FAM161A: variants seen among roughly 807,000 people sequenced by gnomAD.
FAM161A encodes FAM161 centrosomal protein A, also known as protein FAM161A.
Under a neutral mutation model 70.9 loss-of-function variants are expected in FAM161A, and 57 were observed. The observed-to-expected ratio is 0.80, with a 90% CI of 0.65 to 1.00. The LOEUF is 1.00. FAM161A is among the 50% of genes least tolerant of loss of function. The pLI, the probability that FAM161A is intolerant of heterozygous loss-of-function variation, is 0.00. For missense variants in FAM161A, 880 were observed against 836.0 expected (o/e 1.05, Z -0.65); for synonymous variants, 299 against 295.7 (o/e 1.01, Z -0.12).
At chr2:61,805,034 G>A in the FAM161A span, among the ~76,000 whole-genome samples, 1 of 151,984 alleles carries the variant, frequency 6.6e-6, no homozygotes, top group South Asian at 2.1e-4. Flanking sequence ...GGGGGGCCTG[G>A]AGGAAGTCAC....
the FAM161A span, among the ~76,000 whole-genome samples, chr2:61,818,345 C>T: frequency 7.9e-5 from 12 of 152,166 alleles, no homozygotes; most frequent in African/African-American, 7.2e-5. Context: ...TGTGAGCCAC[C>T]GTCCCTGGCT....
chr2:61,819,906 T>C (rs1162502635), downstream of FAM161A, among the ~76,000 whole-genome samples: 1 of 152,204 alleles, frequency 6.6e-6, no homozygotes, highest in East Asian at 1.9e-4. Context: ...CATTTATGAT[T>C]TTTTTCTATT....
rs1344141787 is a variant in FAM161A, at chr2:61,839,836, C to T, written c.1168G>A (p.Glu390Lys). 2 of 1,614,222 alleles carry T rather than the reference C, an allele frequency of 1.2e-6. No homozygotes were observed. The highest frequency in any genetic ancestry group is 1.7e-5 in the Admixed American group (1 of 60,008). The stretch of plus-strand genomic sequence containing the variant: ...AGAGGAGATGAGTTCTGTAAATGCT[C>T]CTGGGCTCTCAGCTGTGTCCTAAGG... ...RNLRTQLRAQEHLQNSSPLPC... is the reference protein window; with the variant it reads ...RNLRTQLRAQKHLQNSSPLPC... Residue 390 changes from glutamate to lysine, a missense_variant, in exon 3 of 7, where the codon GAG (glutamate) becomes AAG (lysine). Coordinates refer to ENST00000404929, the MANE Select transcript of FAM161A (RefSeq NM_001201543.2).
Position 61,840,576 on chromosome 2 carries a change from A to T in FAM161A, c.428T>A (p.Val143Glu). 6.3e-7 allele frequency: 1 copy of T among 1,597,354 alleles called. No individual in the cohort carries two copies. Among genetic ancestry groups the T allele is most frequent in the Non-Finnish European group, 8.6e-7 (1 of 1,164,816 alleles). Residue 143 changes from valine (V) to glutamate (E), a missense_variant, in exon 3 of 7, where the codon GTA becomes GAA. Transcript: ENST00000404929. ...AGGGTGATAGGAGTTCTTTTCTGAT[A>T]CAGATCTAAATGAGAAGAATAACTA... ...EDSLSDSSRSVSEKNSYHPVS... is the reference protein window; with the variant it reads ...EDSLSDSSRSESEKNSYHPVS...
the FAM161A span, among the ~76,000 whole-genome samples, chr2:61,813,718 CA>C: frequency 0.012 from 1,010 of 87,004 alleles, 5 homozygotes; most frequent in Non-Finnish European, 0.015. Flanking sequence ...GACCCTGTCT[CA>C]AAAAAAAAAA....
Position 61,839,879 on chromosome 2 carries a change from T to C in FAM161A, c.1125A>G (p.Glu375=). ...YGSTTNDKLK[E]EELYRNLRTQ... is the part of the protein sequence containing the mutation. ...TCCTAAGGTTTCGATAGAGCTCTTC[T>C]TCTTTTAACTTGTCATTGGTAGTTG... The change falls in exon 3 of 7, where the codon GAA becomes GAG. Residue 375 remains glutamate, a synonymous_variant. Coordinates refer to ENST00000404929, the MANE Select transcript of FAM161A (RefSeq NM_001201543.2). 6.2e-7 allele frequency: 1 copy of C among 1,614,228 alleles called. No homozygotes were observed. The highest frequency in any genetic ancestry group is 8.5e-7 in the Non-Finnish European group (1 of 1,180,036).
Position 61,836,017 on chromosome 2 carries a change from A to T in FAM161A, c.1844T>A (p.Val615Asp). 3 of 1,605,132 alleles carry T rather than the reference A, an allele frequency of 1.9e-6. No individual in the cohort carries two copies. In the South Asian group the frequency reaches 3.3e-5, roughly 18 times the overall value. Residue 615 changes from valine to aspartate, a missense_variant, in exon 5 of 7, where the codon GTT (valine) becomes GAT (aspartate). Coordinates refer to ENST00000404929, the MANE Select transcript of FAM161A (RefSeq NM_001201543.2). ...LKKRPLLFER[V>D]AQKNARMAAE... Reference sequence around the variant, plus strand: ...AATTCCAATAAACACAACCTGAGCAACTCTTTCAAATAGCAGTGGCCTCTT... The same window carrying T: ...AATTCCAATAAACACAACCTGAGCATCTCTTTCAAATAGCAGTGGCCTCTT...
intron 1 of FAM161A, among the ~76,000 whole-genome samples, chr2:61,853,368 A>T (rs1319562451): frequency 6.6e-6 from 1 of 152,102 alleles, no homozygotes; most frequent in Non-Finnish European, 1.5e-5. Flanking sequence ...AACCTCAGTG[A>T]TTTGCTTATC....
intron 5 of FAM161A, among the ~76,000 whole-genome samples, chr2:61,830,264 C>T (rs1388773526): frequency 6.6e-6 from 1 of 152,100 alleles, no homozygotes; most frequent in African/African-American, 2.4e-5. Flanking sequence ...ATAAAGGTTC[C>T]ACCTGGCATT....
downstream of FAM161A, chr2:61,820,251 T>C (rs187973225): frequency 2.1e-4 from 136 of 646,704 alleles, no homozygotes; most frequent in African/African-American, 1.9e-3. Flanking sequence ...AGCTCTTCAC[T>C]GGAGGATCGA....
At chr2:61,822,869 C>T (rs1001759078), downstream of FAM161A, among the ~76,000 whole-genome samples, 1 of 151,672 alleles carries the variant, frequency 6.6e-6, no homozygotes, top group African/African-American at 2.4e-5. Context: ...GGATTACAGG[C>T]ATGAGCCGCT....
chr2:61,843,566 T>C (rs1673097785), intron 1 of FAM161A, among the ~76,000 whole-genome samples: 1 of 152,202 alleles, frequency 6.6e-6, no homozygotes, highest in Non-Finnish European at 1.5e-5. Flanking sequence ...CAACCACAGT[T>C]TTAAATTTAG....
chr2:61,852,294 AT>A (rs1673524713), intron 1 of FAM161A, among the ~76,000 whole-genome samples: 1 of 152,174 alleles, frequency 6.6e-6, no homozygotes, highest in Non-Finnish European at 1.5e-5. Context: ...CTGTGGAAGC[AT>A]ATCTGCAACT....
Position 61,838,523 on chromosome 2 carries a change from AT to A in FAM161A, c.1751+14del. 6.3e-7 allele frequency: 1 copy of A among 1,596,920 alleles called. No homozygotes were observed. The highest frequency in any genetic ancestry group is 1.7e-5 in the Admixed American group (1 of 58,034). ...AAAACCAGTGGTCTGGAGATTCAAGATTTTTTCATGATACCTGAGACATTTT... is the reference window on the plus strand; with the variant it reads ...AAAACCAGTGGTCTGGAGATTCAAGATTTTTCATGATACCTGAGACATTTT... On this transcript the variant is annotated intron_variant, in intron 4 of 6. Coordinates refer to ENST00000404929, the MANE Select transcript of FAM161A (RefSeq NM_001201543.2).
chr2:61,839,499 G>A lies in FAM161A; in HGVS notation c.1505C>T (p.Ala502Val), dbSNP rs780651086. 6.2e-7 allele frequency: 1 copy of A among 1,614,156 alleles called. No homozygotes were observed. The highest frequency in any genetic ancestry group is 1.1e-5 in the South Asian group (1 of 91,080). ...SPRRKSPVRC[A>V]GVNPVPCNCN... ...GTTACAAGGCACAGGGTTTACACCT[G>A]CACATCTTACTGGTGACTTACGCCT... is the stretch of plus-strand genomic sequence containing the variant. Residue 502 changes from alanine (A) to valine (V), a missense_variant, in exon 3 of 7, where the codon GCA becomes GTA. Physicochemically the swap from Ala to Val is moderately conservative, Grantham distance 64. Coordinates refer to ENST00000404929, the MANE Select transcript of FAM161A (RefSeq NM_001201543.2).
At position 61,840,496 on chromosome 2, in the gene FAM161A, A is replaced by G; in HGVS notation, c.508T>C (p.Tyr170His). The change falls in exon 3 of 7, where the codon TAT becomes CAT. Residue 170 changes from tyrosine (Y) to histidine (H), a missense_variant. By Grantham distance (83) the Tyr-to-His change is moderately conservative (BLOSUM62 2). Transcript: ENST00000404929. ...EPDLGQSSSL[Y>H]VSSSEEELPN... ...AACTCCTCTTCAGAGGAGGACACAT[A>G]CAAGGAGGAAGACTGGCCTAAATCA... The G allele has an allele frequency of 6.2e-7, 1 of 1,613,992 alleles. No homozygotes were observed. Among genetic ancestry groups the G allele is most frequent in the Non-Finnish European group, 8.5e-7 (1 of 1,179,892 alleles).
At chr2:61,834,898 T>A (rs949079097) in intron 5 of FAM161A, among the ~76,000 whole-genome samples, 2 of 152,198 alleles carry the variant, frequency 1.3e-5, no homozygotes, top group African/African-American at 4.8e-5. Flanking sequence ...AGTTCAGAGC[T>A]GGAGATAATG....
chr2:61,840,621 T>A lies in FAM161A; in HGVS notation c.423-40A>T, dbSNP rs373864248. 2.9e-6 allele frequency: 4 copies of A among 1,382,288 alleles called. No homozygotes were observed. The East Asian group carries it at 9.1e-5, about 32-fold the overall frequency. 85.6% of individuals were successfully genotyped at this position (1,382,288 alleles called of 1,614,324 possible). A position where few individuals can be genotyped will look rare whatever the true frequency, so the allele number is the denominator to read the frequency against. On this transcript the variant is annotated intron_variant, in intron 2 of 6. Transcript: ENST00000404929. ...TAACTATGTTATACTTTCAGTTGTA[T>A]GTGACCAAATATAAAAATTAAGAGT...
rs184162653 is a variant in FAM161A, at chr2:61,825,830, G to C, written c.*625C>G. ...TTTTTTGTATTTTTAGTAGAGACGG[G>C]GTTTCATCGTGTTAGCCAGGATGGT... On this transcript the variant is annotated 3_prime_UTR_variant, in exon 7 of 7. Transcript: ENST00000404929. The C allele has an allele frequency of 1.9e-4, 85 of 438,246 alleles. No homozygotes were observed. Among genetic ancestry groups the C allele is most frequent in the African/African-American group, 1.6e-3 (78 of 49,028 alleles). The allele number at this position is 438,246 out of a possible 1,614,324, so 27.1% of individuals were successfully genotyped here.
Sources: gnomAD v4.1 joint callset for allele counts (sites outside exome capture counted in the v4.1 genomes callset) on GRCh38, gnomAD v4.1.1 for gene constraint, MANE v1.5 for transcripts, NCBI Gene and HGNC (gene_info 2026-07-23, HGNC 2026-07-21) for gene names.